UNC5D: variants seen among roughly 807,000 people sequenced by gnomAD.
UNC5D encodes the protein unc-5 netrin receptor D.
A neutral mutation model predicts 105.4 loss-of-function variants in UNC5D; 39 were observed. The observed-to-expected ratio is 0.37, with a 90% confidence interval of 0.29 to 0.48. UNC5D has a LOEUF of 0.48. UNC5D is among the 20% of genes least tolerant of loss of function. The probability of loss-of-function intolerance (pLI) is 0.98; values close to 1 mark genes in which losing one functional copy is unlikely to be tolerated. For synonymous variants in UNC5D, 452 were observed against 450.4 expected, an observed-to-expected ratio of 1.00 and a Z score of -0.04; for missense variants, 991 against 1,202.4, an observed-to-expected ratio of 0.82 and a Z score of 2.60.
At chr8:35,749,619 T>G (rs1177292509) in intron 12 of UNC5D, among the ~76,000 whole-genome samples, 1 of 152,208 alleles carries the variant, frequency 6.6e-6, no homozygotes, top group Non-Finnish European at 1.5e-5. Flanking sequence ...ATTCTGCTAT[T>G]TAGTGCGTTT....
intron 1 of UNC5D, among the ~76,000 whole-genome samples, chr8:35,453,266 A>G (rs1457052826): frequency 2.0e-5 from 3 of 152,158 alleles, no homozygotes; most frequent in African/African-American, 7.2e-5. Flanking sequence ...TTATTTTTTT[A>G]GCCATGACCA....
At chr8:35,374,924 C>G (rs895521679) in intron 1 of UNC5D, among the ~76,000 whole-genome samples, 1 of 152,100 alleles carries the variant, frequency 6.6e-6, no homozygotes. Flanking sequence ...AACGAACTTT[C>G]TAAGAAGAAT....
At chr8:35,779,888 C>T (rs1433809443) in intron 16 of UNC5D, among the ~76,000 whole-genome samples, 2 of 152,122 alleles carry the variant, frequency 1.3e-5, no homozygotes, top group Non-Finnish European at 2.9e-5. Context: ...CTGTCTTTTC[C>T]CTCAGATCTT....
At chr8:35,552,825 G>A (rs1413429928) in intron 2 of UNC5D, among the ~76,000 whole-genome samples, 1 of 152,124 alleles carries the variant, frequency 6.6e-6, no homozygotes, top group Non-Finnish European at 1.5e-5. Flanking sequence ...CACTTACGTT[G>A]ACATTAAAAA....
At chr8:35,336,331 A>G (rs1244870956) in intron 1 of UNC5D, among the ~76,000 whole-genome samples, 1 of 152,158 alleles carries the variant, frequency 6.6e-6, no homozygotes, top group Non-Finnish European at 1.5e-5. Flanking sequence ...CCTCTGGCTC[A>G]AAAGTTTTAT....
At chr8:35,453,660 G>A (rs150124886) in intron 1 of UNC5D, among the ~76,000 whole-genome samples, 45 of 152,266 alleles carry the variant, frequency 3.0e-4, no homozygotes, top group African/African-American at 9.6e-4. Context: ...TCTAATTGCT[G>A]TTTGGCCTAG....
intron 8 of UNC5D, among the ~76,000 whole-genome samples, chr8:35,716,154 G>A (rs987694156): frequency 6.6e-6 from 1 of 152,198 alleles, no homozygotes; most frequent in African/African-American, 2.4e-5. Flanking sequence ...CGTGTCATAA[G>A]CAGCTTGGGA....
chr8:35,448,202 A>C (rs866502376), intron 1 of UNC5D, among the ~76,000 whole-genome samples: 4 of 152,210 alleles, frequency 2.6e-5, no homozygotes, highest in South Asian at 2.1e-4. Flanking sequence ...GGAAGATTTC[A>C]GGCTAATGGT....
At chr8:35,297,707 C>T (rs2980396) in intron 1 of UNC5D, among the ~76,000 whole-genome samples, 2 of 151,760 alleles carry the variant, frequency 1.3e-5, no homozygotes, top group African/African-American at 2.4e-5. Context: ...TTGCTGCCTC[C>T]GGATTTAATA....
At chr8:35,761,491 T>C (rs1018779741) in intron 14 of UNC5D, among the ~76,000 whole-genome samples, 3 of 152,184 alleles carry the variant, frequency 2.0e-5, no homozygotes, top group African/African-American at 4.8e-5. Context: ...CCAGAGGATG[T>C]TGACTTTCAA....
At chr8:35,685,840 TG>T (rs1428182262) in intron 6 of UNC5D, among the ~76,000 whole-genome samples, 3 of 152,164 alleles carry the variant, frequency 2.0e-5, no homozygotes, top group Non-Finnish European at 4.4e-5. Flanking sequence ...CTTGATTAAT[TG>T]CTTTAGATTT....
chr8:35,641,695 G>C (rs1822753630), intron 4 of UNC5D, among the ~76,000 whole-genome samples: 1 of 152,004 alleles, frequency 6.6e-6, no homozygotes, highest in Non-Finnish European at 1.5e-5. Flanking sequence ...CAAATTCTTG[G>C]GCTGTGTTCA....
At chr8:35,510,958 T>A (rs1231435939) in intron 1 of UNC5D, among the ~76,000 whole-genome samples, 1 of 152,180 alleles carries the variant, frequency 6.6e-6, no homozygotes, top group Admixed American at 6.5e-5. Context: ...AAAGGCCAAT[T>A]ATATAGCAAA....
chr8:35,789,138 T>G (rs367902061), intron 16 of UNC5D, among the ~76,000 whole-genome samples: 85 of 5,848 alleles, frequency 0.015, 1 homozygote, highest in Non-Finnish European at 0.023. Context: ...GAGAAAAGAC[T>G]ATATATATAT....
chr8:35,471,947 G>A (rs572603973), intron 1 of UNC5D, among the ~76,000 whole-genome samples: 1 of 152,288 alleles, frequency 6.6e-6, no homozygotes, highest in South Asian at 2.1e-4. Flanking sequence ...AAAATAAGCA[G>A]ATATCTCAGT....
intron 4 of UNC5D, among the ~76,000 whole-genome samples, chr8:35,605,815 A>G (rs888983945): frequency 6.6e-6 from 1 of 152,198 alleles, no homozygotes; most frequent in African/African-American, 2.4e-5. Context: ...TACAATATTT[A>G]GACATTTGGC....
intron 4 of UNC5D, among the ~76,000 whole-genome samples, chr8:35,641,055 G>A (rs763120955): frequency 6.6e-6 from 1 of 151,790 alleles, no homozygotes; most frequent in Non-Finnish European, 1.5e-5. Context: ...TTAGATTTGG[G>A]CCCAATCAAA....
At chr8:35,262,289 A>C (rs941128934) in intron 1 of UNC5D, among the ~76,000 whole-genome samples, 3 of 152,202 alleles carry the variant, frequency 2.0e-5, no homozygotes, top group African/African-American at 4.8e-5. Flanking sequence ...GTTTCCAGTT[A>C]GCATGTATTT....
At chr8:35,617,651 G>A (rs1397283659) in intron 4 of UNC5D, among the ~76,000 whole-genome samples, 1 of 152,090 alleles carries the variant, frequency 6.6e-6, no homozygotes. Context: ...AATTGCAGTG[G>A]CTTCCACGGC....
Sources: allele counts gnomAD v4.1 joint callset (sites outside exome capture counted in the v4.1 genomes callset), GRCh38; gene constraint gnomAD v4.1.1; transcripts MANE v1.5; gene names NCBI Gene and HGNC (gene_info 2026-07-23, HGNC 2026-07-21).